Variants in EPHB1 observed in about 807,000 individuals in gnomAD.
The protein encoded by EPHB1 is EPH receptor B1.
EPHB1 carries 30 observed loss-of-function variants against 94.4 expected under a neutral mutation model. The observed-to-expected ratio is 0.32, with a 90% confidence interval of 0.24 to 0.43. The LOEUF (loss-of-function observed/expected upper bound fraction) is 0.43. Among genes scored for constraint, EPHB1 ranks in the 20% least tolerant of loss-of-function variants. EPHB1 has a pLI of 1.00. For missense variants in EPHB1, 1,055 were observed against 1,308.3 expected (o/e 0.81, Z 2.99); for synonymous variants, 522 against 489.1 (o/e 1.07, Z -0.89).
At chr3:135,161,557 A>T (rs1941507559) in intron 6 of EPHB1, among the ~76,000 whole-genome samples, 1 of 152,174 alleles carries the variant, frequency 6.6e-6, no homozygotes, top group African/African-American at 2.4e-5. Context: ...GTGTCTAGGG[A>T]GATCTGAGTC....
intron 1 of EPHB1, among the ~76,000 whole-genome samples, chr3:134,879,182 A>G (rs1305531679): frequency 6.6e-6 from 1 of 152,196 alleles, no homozygotes; most frequent in African/African-American, 2.4e-5. Context: ...TGGCATATCC[A>G]AGGTGCTCAG....
rs374882336 is a variant in EPHB1, at chr3:135,131,234, T to C, written c.962-1480T>C. ...TTTAGCTCAGGCCTAATGGGCTTTA[T>C]ATGGTACAGTACTGATTTTCTTTCA... On this transcript the variant is annotated intron_variant, in intron 4 of 15. Transcript: ENST00000398015. 1.4e-4 allele frequency among the ~76,000 whole-genome samples: 21 copies of C among 152,342 alleles called. 1 individual carries two copies. In the East Asian group the frequency reaches 1.9e-3, roughly 14 times the overall value.
intron 1 of EPHB1, among the ~76,000 whole-genome samples, chr3:134,896,775 G>A (rs2038093940): frequency 6.6e-6 from 1 of 152,260 alleles, no homozygotes; most frequent in South Asian, 2.1e-4. Context: ...CACAGGTTTG[G>A]TGGTGACAGA....
At chr3:135,032,376 A>AT (rs1235772275) in intron 3 of EPHB1, among the ~76,000 whole-genome samples, 1 of 148,752 alleles carries the variant, frequency 6.7e-6, no homozygotes, top group East Asian at 2.0e-4. Flanking sequence ...TTCCTAAGAC[A>AT]TTTATTTTCA....
At chr3:134,804,388 G>A (rs572180064) in intron 1 of EPHB1, among the ~76,000 whole-genome samples, 46 of 151,942 alleles carry the variant, frequency 3.0e-4, no homozygotes, top group Admixed American at 2.6e-4. Flanking sequence ...TTCCCTTGGC[G>A]TTGGTCCCTC....
At chr3:135,071,829 C>T (rs1048845007) in intron 3 of EPHB1, among the ~76,000 whole-genome samples, 1 of 152,164 alleles carries the variant, frequency 6.6e-6, no homozygotes, top group African/African-American at 2.4e-5. Flanking sequence ...ACACTGAACT[C>T]TTGATTTCCT....
At chr3:135,137,683 C>T (rs1463756748) in intron 5 of EPHB1, among the ~76,000 whole-genome samples, 1 of 152,154 alleles carries the variant, frequency 6.6e-6, no homozygotes, top group African/African-American at 2.4e-5. Context: ...ATACCTGCTT[C>T]CTAGTACTAT....
intron 2 of EPHB1, among the ~76,000 whole-genome samples, chr3:134,950,170 A>G (rs1267743121): frequency 1.3e-5 from 2 of 152,230 alleles, no homozygotes; most frequent in Non-Finnish European, 2.9e-5. Context: ...ATCACTTAAT[A>G]CATGTGTTGT....
intron 3 of EPHB1, among the ~76,000 whole-genome samples, chr3:135,021,266 G>C (rs1935979083): frequency 6.6e-6 from 1 of 151,972 alleles, no homozygotes; most frequent in African/African-American, 2.4e-5. Context: ...TTTATTTGTT[G>C]TGTTTTTTAA....
At chr3:134,868,965 A>G (rs6794203) in intron 1 of EPHB1, among the ~76,000 whole-genome samples, 33 of 152,218 alleles carry the variant, frequency 2.2e-4, no homozygotes, top group African/African-American at 8.0e-4. Flanking sequence ...CTTACCTGAG[A>G]CAAGAGTAAT....
At chr3:134,930,591 A>G (rs946154477) in intron 2 of EPHB1, among the ~76,000 whole-genome samples, 6 of 152,106 alleles carry the variant, frequency 3.9e-5, no homozygotes, top group Admixed American at 3.3e-4. Context: ...GGCAGTGGGG[A>G]GTTCAGAGAG....
At chr3:135,020,925 T>C (rs113938797) in intron 3 of EPHB1, among the ~76,000 whole-genome samples, 1,973 of 152,238 alleles carry the variant, frequency 0.013, 45 homozygotes, top group African/African-American at 0.045. Flanking sequence ...TTCCCAATAG[T>C]CAATTGACGT....
At chr3:135,012,026 A>G (rs1267792334) in intron 3 of EPHB1, among the ~76,000 whole-genome samples, 2 of 152,154 alleles carry the variant, frequency 1.3e-5, no homozygotes, top group African/African-American at 4.8e-5. Flanking sequence ...TGGCTATTCC[A>G]TGCCAGAGAG....
intron 3 of EPHB1, among the ~76,000 whole-genome samples, chr3:135,045,507 T>G (rs1375438319): frequency 6.6e-6 from 1 of 152,222 alleles, no homozygotes; most frequent in Admixed American, 6.5e-5. Flanking sequence ...TCATGGAATA[T>G]TATTTTTCCT....
chr3:134,855,639 A>C lies in EPHB1; in HGVS notation c.58+59950A>C, dbSNP rs116192681. 7.6e-5 allele frequency among the ~76,000 whole-genome samples: 11 copies of C among 144,528 alleles called. No homozygotes were observed. The South Asian group carries it at 2.6e-3, about 34-fold the overall frequency. The allele number at this position is 144,528 out of a possible 152,430, so 94.8% of individuals were successfully genotyped here. ...ATTGAGTAGTAACTATTATGGGGAT[A>C]ATATCTTAGAAATTCCTTCTGATAC... On this transcript the variant is annotated intron_variant, in intron 1 of 15. Transcript: ENST00000398015.
At chr3:135,092,452 C>T (rs1938589685) in intron 3 of EPHB1, among the ~76,000 whole-genome samples, 1 of 152,130 alleles carries the variant, frequency 6.6e-6, no homozygotes, top group African/African-American at 2.4e-5. Context: ...AGCACAGGTT[C>T]CTCCCCGCTG....
chr3:135,204,274 G>C (rs1942838780), intron 12 of EPHB1, among the ~76,000 whole-genome samples: 1 of 152,022 alleles, frequency 6.6e-6, no homozygotes, highest in African/African-American at 2.4e-5. Context: ...CATGATCTCG[G>C]CTCACTGCAA....
intron 1 of EPHB1, among the ~76,000 whole-genome samples, chr3:134,807,494 AGTGTGTGTGTGTGTGT>A (rs151336394): frequency 7.2e-6 from 1 of 138,724 alleles, no homozygotes; most frequent in Non-Finnish European, 1.6e-5. Flanking sequence ...TTGGGGAAGG[AGTGTGTGTGTGTGTGT>A]GTGTGTGTGT....
intron 1 of EPHB1, among the ~76,000 whole-genome samples, chr3:134,895,847 A>C (rs1185286788): frequency 2.0e-5 from 3 of 152,184 alleles, no homozygotes; most frequent in African/African-American, 7.2e-5. Context: ...ATTCAAATCC[A>C]AATTGAAATG....
Sources: gnomAD v4.1 joint callset for allele counts (sites outside exome capture counted in the v4.1 genomes callset) on GRCh38, gnomAD v4.1.1 for gene constraint, MANE v1.5 for transcripts, NCBI Gene and HGNC (gene_info 2026-07-23, HGNC 2026-07-21) for gene names.